ABCB1: variants seen among roughly 807,000 people sequenced by gnomAD.
ABCB1 encodes the protein ATP-dependent translocase ABCB1.
A neutral mutation model predicts 142.0 loss-of-function variants in ABCB1; 69 were observed. That is an observed-to-expected ratio of 0.49 (90% CI 0.40 to 0.59). ABCB1 has a LOEUF of 0.59. Ranked by LOEUF, ABCB1 falls within the 20% of genes least tolerant of loss-of-function variation. The pLI is 0.00. For missense variants in ABCB1, 1,326 were observed against 1,554.7 expected (o/e 0.85, Z 2.47); for synonymous variants, 532 against 539.2 (o/e 0.99, Z 0.18).
chr7:87,557,357 T>C (rs1433371945), intron 8 of ABCB1, among the ~76,000 whole-genome samples: 1 of 152,116 alleles, frequency 6.6e-6, no homozygotes, highest in Non-Finnish European at 1.5e-5. Context: ...GTGCCTGGCA[T>C]GTTGTAGGTG....
At chr7:87,525,837 C>T (rs1036655142) in intron 21 of ABCB1, among the ~76,000 whole-genome samples, 3 of 152,106 alleles carry the variant, frequency 2.0e-5, no homozygotes, top group Non-Finnish European at 2.9e-5. Context: ...CTCTGTCTGA[C>T]TTTTTCCTTT....
At chr7:87,508,589 C>A (rs2117064885) in intron 26 of ABCB1, among the ~76,000 whole-genome samples, 1 of 152,282 alleles carries the variant, frequency 6.6e-6, no homozygotes, top group East Asian at 1.9e-4. Flanking sequence ...CATAGGACCA[C>A]AGCCCAGGGA....
chr7:87,556,495 T>C (rs1458472917), intron 8 of ABCB1, among the ~76,000 whole-genome samples: 2 of 152,198 alleles, frequency 1.3e-5, no homozygotes, highest in African/African-American at 2.4e-5. Context: ...TTACTTTATG[T>C]AGAAGCAGAG....
rs1814567390 is a variant in ABCB1, at chr7:87,503,230, G to A, written c.*1013C>T. On this transcript the variant is annotated 3_prime_UTR_variant, in exon 28 of 28. Coordinates refer to ENST00000622132, the MANE Select transcript of ABCB1 (RefSeq NM_001348946.2). ...TTTTAGAAGTTGCTTATTTAAGATA[G>A]CAATTGTTTATAGTAAATATAGTTT... Among the ~76,000 whole-genome samples the A allele has an allele frequency of 6.6e-6, 1 of 151,424 alleles. No individual in the cohort carries two copies. The highest frequency in any genetic ancestry group is 1.5e-5 in the Non-Finnish European group (1 of 67,868).
chr7:87,538,706 TCA>T (rs1346581092), intron 19 of ABCB1, among the ~76,000 whole-genome samples: 1 of 152,184 alleles, frequency 6.6e-6, no homozygotes, highest in African/African-American at 2.4e-5. Context: ...AGGAAAACAT[TCA>T]CACGTGTCAA....
chr7:87,509,124 G>A (rs1814886808), intron 26 of ABCB1, 151 bp downstream of exon 26: 1 of 787,270 alleles, frequency 1.3e-6, no homozygotes, highest in Non-Finnish European at 2.2e-6. Context: ...AACCCAAACA[G>A]GAAGTGTGGC....
At chr7:87,524,822 G>A (rs1815715168) in intron 21 of ABCB1, among the ~76,000 whole-genome samples, 1 of 151,872 alleles carries the variant, frequency 6.6e-6, no homozygotes, top group Non-Finnish European at 1.5e-5. Flanking sequence ...TAACAAACAG[G>A]TTTTCTAGAT....
At chr7:87,649,018 A>G (rs1382490861) in intron 1 of ABCB1, among the ~76,000 whole-genome samples, 2 of 152,128 alleles carry the variant, frequency 1.3e-5, no homozygotes, top group East Asian at 3.8e-4. Context: ...AAACCTTAAA[A>G]AAAGCTTGTA....
Position 87,544,945 on chromosome 7 carries a change from T to C in ABCB1, c.1942A>G (p.Ile648Val), listed in dbSNP as rs1415499957. The change falls in exon 16 of 28, where the codon ATT becomes GTT. Residue 648 changes from isoleucine (I) to valine (V), a missense_variant. By Grantham distance (29) the Ile-to-Val change is conservative. Coordinates refer to ENST00000622132, the MANE Select transcript of ABCB1 (RefSeq NM_001348946.2). ...TTTGAAGACATTTCCAAGGCATCAA[T>C]TTCACTTTTGGATTCATCAGCTGCA... is the stretch of plus-strand genomic sequence containing the variant. Reference protein sequence around the residue: ...ENAADESKSEIDALEMSSNDS... With the variant: ...ENAADESKSEVDALEMSSNDS... 1 of 1,614,108 alleles carries C rather than the reference T, an allele frequency of 6.2e-7. No individual in the cohort carries two copies. The highest frequency in any genetic ancestry group is 1.3e-5 in the African/African-American group (1 of 75,056).
intron 1 of ABCB1, among the ~76,000 whole-genome samples, chr7:87,702,438 C>T (rs1320345806): frequency 6.6e-6 from 1 of 151,924 alleles, no homozygotes; most frequent in Non-Finnish European, 1.5e-5. Flanking sequence ...GCCACCATGC[C>T]TGGCAAATGT....
At chr7:87,706,807 A>G (rs575041728) in intron 1 of ABCB1, among the ~76,000 whole-genome samples, 1 of 152,182 alleles carries the variant, frequency 6.6e-6, no homozygotes, top group East Asian at 1.9e-4. Context: ...CAGTTTTCCT[A>G]TGGGGTTGTT....
chr7:87,710,701 C>T, intron 1 of ABCB1: 2 of 1,031,892 alleles, frequency 1.9e-6, no homozygotes, highest in African/African-American at 1.6e-5. Context: ...GAAAGAATCA[C>T]CTGAAGACTC....
intron 1 of ABCB1, among the ~76,000 whole-genome samples, chr7:87,670,356 A>G (rs1301202828): frequency 6.6e-6 from 1 of 152,128 alleles, no homozygotes; most frequent in African/African-American, 2.4e-5. Context: ...CAGCTATTTC[A>G]TCCTTCAGCT....
At chr7:87,540,262 C>G (rs1161256911) in intron 18 of ABCB1, among the ~76,000 whole-genome samples, 1 of 152,186 alleles carries the variant, frequency 6.6e-6, no homozygotes, top group Non-Finnish European at 1.5e-5. Context: ...GGCCTGAGCA[C>G]TTGGTCACAT....
intron 21 of ABCB1, among the ~76,000 whole-genome samples, chr7:87,527,646 T>C (rs1186423389): frequency 6.6e-6 from 1 of 152,182 alleles, no homozygotes; most frequent in Non-Finnish European, 1.5e-5. Context: ...GCACTAAACA[T>C]GATTTTTAAA....
At chr7:87,626,226 CAT>C (rs1179089755) in intron 1 of ABCB1, among the ~76,000 whole-genome samples, 4 of 92,448 alleles carry the variant, frequency 4.3e-5, no homozygotes, top group East Asian at 3.2e-4. Context: ...ATATATATGT[CAT>C]ATATATGTGT....
In ABCB1 at chr7:87,547,850, CAAAAAAAAAA is replaced by C. The variant is rs1210127693; in HGVS notation, c.1725+1488_1725+1497del. On this transcript the variant is annotated intron_variant, in intron 14 of 27. Transcript: ENST00000622132. ...TGGGCGACAGAGCGAGACTCCATCT[CAAAAAAAAAA>C]AAAAAAAAAAAACCTTGGCATGGTG... Among the ~76,000 whole-genome samples, 330 of 42,020 alleles carry C rather than the reference CAAAAAAAAAA, an allele frequency of 7.9e-3. 2 individuals carry two copies. The highest frequency in any genetic ancestry group is 0.026 in the Admixed American group (68 of 2,620). 27.6% of individuals were successfully genotyped at this position (42,020 alleles called of 152,430 possible). A position where few individuals can be genotyped will look rare whatever the true frequency, so the allele number is the denominator to read the frequency against.
chr7:87,594,669 A>G (rs555745540), intron 3 of ABCB1, among the ~76,000 whole-genome samples: 1 of 152,220 alleles, frequency 6.6e-6, no homozygotes, highest in Non-Finnish European at 1.5e-5. Flanking sequence ...TCAAGTACAT[A>G]GTCTCATCTC....
intron 1 of ABCB1, among the ~76,000 whole-genome samples, chr7:87,647,601 T>G (rs1167953411): frequency 6.6e-6 from 1 of 152,234 alleles, no homozygotes; most frequent in Non-Finnish European, 1.5e-5. Context: ...TTACTTTGCA[T>G]GGTTCCAGTA....
Sources: allele counts gnomAD v4.1 joint callset (sites outside exome capture counted in the v4.1 genomes callset), GRCh38; gene constraint gnomAD v4.1.1; transcripts MANE v1.5; gene names NCBI Gene and HGNC (gene_info 2026-07-23, HGNC 2026-07-21).